The following ALK variants were observed in gnomAD, a reference collection of about 807,000 sequenced individuals.
The protein encoded by ALK is ALK receptor tyrosine kinase.
ALK carries 74 observed loss-of-function variants against 163.1 expected under a neutral mutation model. That is an observed-to-expected ratio of 0.45 (90% CI 0.38 to 0.55). ALK has a LOEUF of 0.55. Among genes scored for constraint, ALK ranks in the 20% least tolerant of loss-of-function variants. The pLI, the probability that ALK is intolerant of heterozygous loss-of-function variation, is 0.00. For synonymous variants in ALK, 960 were observed against 843.2 expected (o/e 1.14, Z -2.40); for missense variants, 2,063 against 2,105.3 (o/e 0.98, Z 0.39).
At chr2:29,682,955 GATTC>G (rs1469177532) in intron 3 of ALK, among the ~76,000 whole-genome samples, 15 of 152,186 alleles carry the variant, frequency 9.9e-5, no homozygotes, top group African/African-American at 3.4e-4. Context: ...CATGCTATCA[GATTC>G]ATTAACAAGT....
chr2:29,500,490 T>C (rs1234240818), intron 4 of ALK, among the ~76,000 whole-genome samples: 1 of 152,180 alleles, frequency 6.6e-6, no homozygotes, highest in African/African-American at 2.4e-5. Context: ...ACCTCTTTCC[T>C]TTATAAATTA....
At chr2:29,620,923 G>A (rs1676017367) in intron 3 of ALK, among the ~76,000 whole-genome samples, 1 of 152,120 alleles carries the variant, frequency 6.6e-6, no homozygotes, top group Non-Finnish European at 1.5e-5. Flanking sequence ...GCTATCATCT[G>A]GTCAAGTAAA....
chr2:29,858,394 C>G (rs371127240), intron 1 of ALK, among the ~76,000 whole-genome samples: 8 of 152,046 alleles, frequency 5.3e-5, no homozygotes, highest in East Asian at 3.9e-4. Flanking sequence ...GAACCACCCC[C>G]CTCTCGCACA....
At chr2:29,538,864 C>T (rs1363612120) in intron 3 of ALK, among the ~76,000 whole-genome samples, 1 of 152,096 alleles carries the variant, frequency 6.6e-6, no homozygotes, top group Non-Finnish European at 1.5e-5. Context: ...ATATCTCTTT[C>T]ATAATTCTTG....
intron 9 of ALK, among the ~76,000 whole-genome samples, chr2:29,279,218 T>TA (rs763636216): frequency 2.0e-5 from 3 of 152,204 alleles, no homozygotes; most frequent in Non-Finnish European, 4.4e-5. Flanking sequence ...AGCTGCTGCT[T>TA]AAAAGAGTTT....
At chr2:29,766,046 T>C (rs1473241876) in intron 1 of ALK, among the ~76,000 whole-genome samples, 1 of 152,248 alleles carries the variant, frequency 6.6e-6, no homozygotes, top group Non-Finnish European at 1.5e-5. Flanking sequence ...AGTCTTTTCA[T>C]GCCAATGAAT....
At chr2:29,466,954 T>C (rs116441751) in intron 4 of ALK, among the ~76,000 whole-genome samples, 3,574 of 152,310 alleles carry the variant, frequency 0.023, 154 homozygotes, top group African/African-American at 0.082. Context: ...ATCTGTAATT[T>C]TGTGTGATGT....
At chr2:29,258,072 C>T (rs1664993299) in intron 11 of ALK, among the ~76,000 whole-genome samples, 1 of 152,302 alleles carries the variant, frequency 6.6e-6, no homozygotes, top group South Asian at 2.1e-4. Flanking sequence ...CTCATGGGCT[C>T]AAGTGATCCA....
intron 4 of ALK, among the ~76,000 whole-genome samples, chr2:29,417,234 C>T (rs1274912470): frequency 3.9e-5 from 6 of 151,978 alleles, no homozygotes; most frequent in Non-Finnish European, 4.4e-5. Flanking sequence ...GTGATCCACC[C>T]GCCTCAGGCT....
intron 3 of ALK, among the ~76,000 whole-genome samples, chr2:29,577,798 A>T (rs1674565949): frequency 6.6e-6 from 1 of 152,192 alleles, no homozygotes; most frequent in African/African-American, 2.4e-5. Flanking sequence ...CTGACAGTTG[A>T]TGAATCTTTT....
intron 3 of ALK, among the ~76,000 whole-genome samples, chr2:29,547,035 T>A (rs115730474): frequency 0.011 from 1,618 of 152,304 alleles, 16 homozygotes; most frequent in African/African-American, 0.027. Flanking sequence ...CCCATGGGCC[T>A]CTCACCCATT....
At chr2:29,872,506 C>G (rs1170572920) in intron 1 of ALK, among the ~76,000 whole-genome samples, 1 of 152,306 alleles carries the variant, frequency 6.6e-6, no homozygotes, top group East Asian at 1.9e-4. Context: ...TTACATTAGC[C>G]CACAGTTGGG....
At chr2:29,297,846 T>C (rs1666243578) in intron 8 of ALK, among the ~76,000 whole-genome samples, 1 of 152,224 alleles carries the variant, frequency 6.6e-6, no homozygotes, top group Non-Finnish European at 1.5e-5. Context: ...TTTCTGGTCT[T>C]TGTGTTTAAA....
intron 1 of ALK, among the ~76,000 whole-genome samples, chr2:29,777,208 A>G (rs1333335186): frequency 6.6e-6 from 1 of 152,216 alleles, no homozygotes; most frequent in Non-Finnish European, 1.5e-5. Flanking sequence ...GAAAATCAGA[A>G]TCCTATTAGA....
intron 11 of ALK, among the ~76,000 whole-genome samples, chr2:29,263,663 G>A (rs1460457606): frequency 1.3e-5 from 2 of 152,162 alleles, no homozygotes; most frequent in Admixed American, 1.3e-4. Context: ...AGAAAAGAAG[G>A]GAAGGGATGC....
Position 29,809,469 on chromosome 2 carries a change from G to T in ALK, c.668-91772C>A, listed in dbSNP as rs151080648. Among the ~76,000 whole-genome samples, 408 of 152,332 alleles carry T rather than the reference G, an allele frequency of 2.7e-3. 2 individuals are homozygous for T. Among genetic ancestry groups the T allele is most frequent in the African/African-American group, 8.7e-3 (362 of 41,576 alleles). ...AAAAAATAAATGACTACATGGCAGA[G>T]TTGGATGTGAACTACAGTTGGTCTG... On this transcript the variant is annotated intron_variant, in intron 1 of 28. Coordinates refer to ENST00000389048, the MANE Select transcript of ALK (RefSeq NM_004304.5).
At chr2:29,476,658 C>G (rs6732544) in intron 4 of ALK, among the ~76,000 whole-genome samples, 126,599 of 151,900 alleles carry the variant, frequency 0.83, 53,173 homozygotes, top group Non-Finnish European at 0.89. Flanking sequence ...GCTTCCCCGA[C>G]AAGGCACAGG....
At chr2:29,411,953 C>T (rs762453503) in intron 4 of ALK, among the ~76,000 whole-genome samples, 59 of 152,320 alleles carry the variant, frequency 3.9e-4, no homozygotes, top group Non-Finnish European at 7.3e-4. Flanking sequence ...CCAGCCCAAG[C>T]GCAAGCAAGT....
At chr2:29,580,261 A>C (rs908168278) in intron 3 of ALK, among the ~76,000 whole-genome samples, 1 of 152,184 alleles carries the variant, frequency 6.6e-6, no homozygotes, top group East Asian at 1.9e-4. Context: ...TCAACCCGTG[A>C]TTACCGTGCA....
Sources: allele counts gnomAD v4.1 joint callset (sites outside exome capture counted in the v4.1 genomes callset), GRCh38; gene constraint gnomAD v4.1.1; transcripts MANE v1.5; gene names NCBI Gene and HGNC (gene_info 2026-07-23, HGNC 2026-07-21).